KDM4C: variants seen among roughly 807,000 people sequenced by gnomAD.
KDM4C encodes the protein lysine demethylase 4C, also known as lysine-specific demethylase 4C.
A neutral mutation model predicts 129.3 loss-of-function variants in KDM4C; 81 were observed. The observed-to-expected ratio is 0.63, with a 90% CI of 0.52 to 0.75. KDM4C has a LOEUF of 0.75. Ranked by LOEUF, KDM4C falls within the 30% of genes least tolerant of loss-of-function variation. The probability of loss-of-function intolerance (pLI) is 0.00; values close to 1 mark genes in which losing one functional copy is unlikely to be tolerated. For missense variants in KDM4C, 1,457 were observed against 1,304.0 expected, an observed-to-expected ratio of 1.12 and a Z score of -1.81; for synonymous variants, 573 against 456.1, an observed-to-expected ratio of 1.26 and a Z score of -3.26.
At chr9:6,732,610 A>G (rs1215143906) in intron 1 of KDM4C, among the ~76,000 whole-genome samples, 3 of 152,172 alleles carry the variant, frequency 2.0e-5, no homozygotes, top group African/African-American at 7.2e-5. Flanking sequence ...GGGGAAGAGA[A>G]TCAACAAATG....
At chr9:7,147,973 C>G (rs988158550) in intron 19 of KDM4C, among the ~76,000 whole-genome samples, 1 of 152,160 alleles carries the variant, frequency 6.6e-6, no homozygotes, top group Non-Finnish European at 1.5e-5. Context: ...TGGCCCGGAT[C>G]CCGTGCCTGC....
At chr9:7,093,721 C>A (rs1478178627) in intron 17 of KDM4C, among the ~76,000 whole-genome samples, 1 of 152,174 alleles carries the variant, frequency 6.6e-6, no homozygotes, top group Non-Finnish European at 1.5e-5. Flanking sequence ...TATTAAAATA[C>A]TATAAACATC....
chr9:6,896,906 GCTCCTGTGGCTTTCATCGGAAT>G (rs1390101351), intron 8 of KDM4C, among the ~76,000 whole-genome samples: 1 of 152,164 alleles, frequency 6.6e-6, no homozygotes, highest in Non-Finnish European at 1.5e-5. Flanking sequence ...TGGAGAGGGG[GCTCCTGTGGCTTTCATCGGAAT>G]CTGTTACTGA....
intron 8 of KDM4C, among the ~76,000 whole-genome samples, chr9:6,899,006 G>C (rs1816904779): frequency 6.6e-6 from 1 of 151,376 alleles, no homozygotes; most frequent in Non-Finnish European, 1.5e-5. Context: ...TTAAGTGTCT[G>C]ACATGACATA....
At chr9:6,894,383 C>T (rs2130910127) in intron 8 of KDM4C, among the ~76,000 whole-genome samples, 1 of 152,340 alleles carries the variant, frequency 6.6e-6, no homozygotes, top group South Asian at 2.1e-4. Flanking sequence ...TCACATTGTA[C>T]ATCCTGTGTA....
chr9:6,941,904 T>G (rs985017359), intron 8 of KDM4C: 1 of 152,214 alleles, frequency 6.6e-6, no homozygotes, highest in Non-Finnish European at 1.5e-5. Flanking sequence ...TATCCTGTGG[T>G]GCCTCACAGT....
At chr9:7,087,355 A>G (rs55787411) in intron 17 of KDM4C, among the ~76,000 whole-genome samples, 33,927 of 151,928 alleles carry the variant, frequency 0.22, 4,233 homozygotes, top group South Asian at 0.5. Flanking sequence ...ACATACATTC[A>G]TAAAATAATT....
At chr9:6,865,648 C>T (rs1841812910) in intron 5 of KDM4C, among the ~76,000 whole-genome samples, 1 of 152,144 alleles carries the variant, frequency 6.6e-6, no homozygotes, top group Non-Finnish European at 1.5e-5. Flanking sequence ...CTCACTGTAA[C>T]CTCCGCCTCC....
chr9:7,056,851 T>C (rs1386119663), intron 17 of KDM4C, among the ~76,000 whole-genome samples: 1 of 152,150 alleles, frequency 6.6e-6, no homozygotes, highest in Non-Finnish European at 1.5e-5. Context: ...TTTAATTGAG[T>C]GAGTGAGCCA....
intron 17 of KDM4C, among the ~76,000 whole-genome samples, chr9:7,092,813 G>A (rs1291227280): frequency 1.3e-5 from 2 of 152,084 alleles, no homozygotes; most frequent in South Asian, 2.1e-4. Context: ...GAGTATGAAC[G>A]TGTTCTTGCA....
intron 4 of KDM4C, among the ~76,000 whole-genome samples, chr9:6,832,095 C>T (rs1362916960): frequency 7.9e-5 from 12 of 152,016 alleles, no homozygotes; most frequent in Non-Finnish European, 1.5e-4. Flanking sequence ...TCCCAGCACT[C>T]TGGGAGTCTG....
intron 2 of KDM4C, among the ~76,000 whole-genome samples, chr9:6,802,128 T>C (rs1019366920): frequency 1.3e-5 from 2 of 149,894 alleles, no homozygotes; most frequent in Non-Finnish European, 3.0e-5. Context: ...AAAGTATCAG[T>C]AAGGTCAGTA....
intron 17 of KDM4C, among the ~76,000 whole-genome samples, chr9:7,054,033 G>A (rs1043256648): frequency 6.6e-6 from 1 of 152,154 alleles, no homozygotes; most frequent in Non-Finnish European, 1.5e-5. Context: ...AAATTGCTTT[G>A]CTTCTGAATG....
At chr9:6,750,827 T>C (rs1288493022) in intron 1 of KDM4C, among the ~76,000 whole-genome samples, 1 of 152,202 alleles carries the variant, frequency 6.6e-6, no homozygotes, top group Admixed American at 6.5e-5. Flanking sequence ...TTTTTACTAT[T>C]CTCTGGGTTA....
chr9:7,052,863 CAGAG>C (rs370475585), intron 17 of KDM4C, among the ~76,000 whole-genome samples: 106 of 41,110 alleles, frequency 2.6e-3, no homozygotes, highest in African/African-American at 7.6e-3. Context: ...GCCACACCTG[CAGAG>C]AGAGAGAGAG....
intron 17 of KDM4C, among the ~76,000 whole-genome samples, chr9:7,087,777 G>C (rs973184168): frequency 6.6e-6 from 1 of 152,144 alleles, no homozygotes; most frequent in Non-Finnish European, 1.5e-5. Flanking sequence ...ATGGTATTTA[G>C]AGATACATGT....
intron 5 of KDM4C, among the ~76,000 whole-genome samples, chr9:6,867,001 A>ATG (rs1842117918): frequency 4.2e-5 from 2 of 47,888 alleles, no homozygotes; most frequent in South Asian, 2.0e-3. Context: ...GTGTGTGTGT[A>ATG]TATATATATA....
intron 1 of KDM4C, among the ~76,000 whole-genome samples, chr9:6,752,413 A>ATT (rs76236616): frequency 2.3e-5 from 3 of 128,376 alleles, no homozygotes; most frequent in South Asian, 5.0e-4. Flanking sequence ...AAAACCAGGG[A>ATT]TTTTTTTTTT....
rs574078915 is a variant in KDM4C at position 6,835,015 on chromosome 9, C to A, written c.436-14492C>A. On this transcript the variant is annotated intron_variant, in intron 4 of 21. Transcript: ENST00000381309. ...ACCTGGCTGGCCGGGACCTGACTAC[C>A]TCATGAAGATCCTTACCGAGCGTGG... 22 of 949,344 alleles carry A rather than the reference C, an allele frequency of 2.3e-5. No individual in the cohort carries two copies. In the Admixed American group the frequency reaches 3.6e-4, roughly 15 times the overall value. 58.8% of individuals were successfully genotyped at this position (949,344 alleles called of 1,614,324 possible). A position where few individuals can be genotyped will look rare whatever the true frequency, so the allele number is the denominator to read the frequency against.
Sources: gnomAD v4.1 joint callset for allele counts (sites outside exome capture counted in the v4.1 genomes callset) on GRCh38, gnomAD v4.1.1 for gene constraint, MANE v1.5 for transcripts, NCBI Gene and HGNC (gene_info 2026-07-23, HGNC 2026-07-21) for gene names.